The following USP9X variants were observed in gnomAD, a reference collection of about 807,000 sequenced individuals.
The protein encoded by USP9X is ubiquitin carboxyl-terminal hydrolase 9X.
Under a neutral mutation model 190.3 loss-of-function variants are expected in USP9X, and 7 were observed. The ratio of observed to expected loss-of-function variants is 0.04; its 90% CI spans 0.02 to 0.07. The LOEUF (loss-of-function observed/expected upper bound fraction) is 0.07, where lower values mean the gene tolerates loss of function less well. USP9X is among the 10% of genes least tolerant of loss of function. The pLI, the probability that USP9X is intolerant of heterozygous loss-of-function variation, is 1.00. For synonymous variants in USP9X, 645 were observed against 659.5 expected, an observed-to-expected ratio of 0.98 and a Z score of 0.34; for missense variants, 1,010 against 1,916.9, an observed-to-expected ratio of 0.53 and a Z score of 8.83.
chrX:41,189,666 A>G, intron 26 of USP9X, 191 bp downstream of exon 26: 1 of 345,270 alleles, frequency 2.9e-6, no homozygotes, highest in East Asian at 4.5e-5. Context: ...AAATGCCAAT[A>G]TTAATTGTCA....
intron 11 of USP9X, 58 bp downstream of exon 11, chrX:41,144,684 G>T (rs1662148529): frequency 3.2e-6 from 3 of 949,333 alleles, no homozygotes; most frequent in Non-Finnish European, 4.5e-6. Context: ...TGATTAATTA[G>T]ATCTGTGAAT....
In USP9X at chrX:41,216,030, G is replaced by A. The variant is rs1205885913; in HGVS notation, c.5463G>A (p.Glu1821=). Residue 1821 remains glutamate (E), a synonymous_variant, in exon 35 of 45, where the codon GAG becomes GAA. Coordinates refer to ENST00000378308, the MANE Select transcript of USP9X (RefSeq NM_001039591.3). ...KFNDYFEFPR[E]LDMEPYTVAG... is the part of the protein sequence containing the mutation. The stretch of plus-strand genomic sequence containing the variant: ...ATGATTATTTTGAATTTCCTCGAGA[G>A]CTGGACATGGAACCTTACACAGTTG... 8.3e-7 allele frequency: 1 copy of A among 1,211,911 alleles called. No homozygotes were observed. The highest frequency in any genetic ancestry group is 1.8e-5 in the South Asian group (1 of 57,005).
At chrX:41,107,926 T>G (rs754790903) in intron 1 of USP9X, among the ~76,000 whole-genome samples, 4 of 112,369 alleles carry the variant, frequency 3.6e-5, no homozygotes, top group Non-Finnish European at 7.5e-5. Flanking sequence ...TTTAGTTCAT[T>G]GAACATAAGC....
chrX:41,123,597 A>G lies in USP9X; in HGVS notation c.-32A>G. ...TTTCTCAAGACAACTACATAAGCAG[A>G]CAAAATTGCAAAGATCTGCCCTGTG... is the stretch of plus-strand genomic sequence containing the variant. On this transcript the variant is annotated 5_prime_UTR_variant, in exon 2 of 45. Transcript: ENST00000378308. The G allele has an allele frequency of 8.5e-7, 1 of 1,173,981 alleles. No individual in the cohort carries two copies. The highest frequency in any genetic ancestry group is 1.2e-6 in the Non-Finnish European group (1 of 862,819).
At chrX:41,185,537 T>A (rs956111786) in intron 23 of USP9X, among the ~76,000 whole-genome samples, 2 of 111,698 alleles carry the variant, frequency 1.8e-5, no homozygotes, top group African/African-American at 6.5e-5. Context: ...AAGTAATATG[T>A]ACATGGGAGT....
chrX:41,190,911 A>C (rs1183193336), intron 26 of USP9X, among the ~76,000 whole-genome samples: 1 of 112,001 alleles, frequency 8.9e-6, no homozygotes, highest in Non-Finnish European at 1.9e-5. Context: ...TTGAGTTTTA[A>C]GTACCTGATT....
rs777014349 is a variant in USP9X at position 41,167,972 on chromosome X, AT to A, written c.2425-31del. On this transcript the variant is annotated intron_variant, in intron 17 of 44. Coordinates refer to ENST00000378308, the MANE Select transcript of USP9X (RefSeq NM_001039591.3). Reference sequence around the variant, plus strand: ...TATTTGGTTTTTACATTTTAAAGCAATTTTAACTGTGTTTATTTGGCCTGAT... The same window carrying A: ...TATTTGGTTTTTACATTTTAAAGCAATTTAACTGTGTTTATTTGGCCTGAT... 1.6e-5 allele frequency: 18 copies of A among 1,155,544 alleles called. No homozygotes were observed. In the South Asian group the frequency reaches 3.7e-4, roughly 24 times the overall value.
chrX:41,229,434 T>C, intron 42 of USP9X, 25 bp downstream of exon 42: 1 of 1,151,305 alleles, frequency 8.7e-7, no homozygotes, highest in Non-Finnish European at 1.2e-6. Context: ...CTTATAATTT[T>C]GTAGAAATCT....
chrX:41,223,143 C>T (rs1289438356), intron 38 of USP9X, 74 bp from the exon 39 acceptor site: 7 of 971,313 alleles, frequency 7.2e-6, no homozygotes, highest in Non-Finnish European at 9.9e-6. Flanking sequence ...ATTCATGAAG[C>T]CCTTGCCATC....
At chrX:41,187,071 G>C (rs2062886512) in intron 24 of USP9X, among the ~76,000 whole-genome samples, 3 of 110,027 alleles carry the variant, frequency 2.7e-5, no homozygotes, top group Admixed American at 1.9e-4. Flanking sequence ...GACCTCTGGT[G>C]ATCTGCCTGC....
chrX:41,141,506 A>T, intron 9 of USP9X, 75 bp downstream of exon 9: 2 of 960,507 alleles, frequency 2.1e-6, no homozygotes, highest in Non-Finnish European at 2.7e-6. Flanking sequence ...CTAGCTAAAA[A>T]AATTAGTAAT....
chrX:41,099,108 T>TTTTTGTTTTTTTG (rs1555915009), intron 1 of USP9X, among the ~76,000 whole-genome samples: 2 of 89,597 alleles, frequency 2.2e-5, no homozygotes, highest in African/African-American at 8.6e-5. Context: ...TTTTTTTTTT[T>TTTTTGTTTTTTTG]TTTTTTTTTT....
In USP9X at chrX:41,123,711, T is replaced by C. The variant is rs1335848445; in HGVS notation, c.83T>C (p.Leu28Pro). Residue 28 changes from leucine (L) to proline (P), a missense_variant, in exon 2 of 45, where the codon CTC (leucine) becomes CCC (proline). Leu to Pro is a moderately conservative substitution (Grantham distance 98). Transcript: ENST00000378308. ...QAPDGQSQPP[L>P]QQNQTSSPDS... ...CCTGATGGACAGTCTCAGCCCCCCC[T>C]CCAACAGAATCAGGTAGGATGTTGA... 1.7e-6 allele frequency: 2 copies of C among 1,208,677 alleles called. No homozygotes were observed. The highest frequency in any genetic ancestry group is 3.0e-5 in the East Asian group (1 of 33,744).
chrX:41,170,567 A>G lies in USP9X; in HGVS notation c.2975A>G (p.Asn992Ser), dbSNP rs748685372. 1.8e-5 allele frequency: 22 copies of G among 1,209,948 alleles called. No homozygotes were observed. Among genetic ancestry groups the G allele is most frequent in the Non-Finnish European group, 2.2e-5 (20 of 895,207 alleles). ...ACTGGATCTCCTGGAAACCATGGTAATCATTACAGTGATGGTCCCAATCCA... is the reference window on the plus strand; with the variant it reads ...ACTGGATCTCCTGGAAACCATGGTAGTCATTACAGTGATGGTCCCAATCCA... ...SSTGSPGNHGNHYSDGPNPEV... is the reference protein window; with the variant it reads ...SSTGSPGNHGSHYSDGPNPEV... Residue 992 changes from asparagine to serine, a missense_variant, in exon 20 of 45, where the codon AAT (asparagine) becomes AGT (serine). By Grantham distance (46) the Asn-to-Ser change is conservative. Around this residue, in one of 11 missense-constraint regions of USP9X, gnomAD observed 351 missense variants for 480.8 expected, o/e 0.73. Coordinates refer to ENST00000378308, the MANE Select transcript of USP9X (RefSeq NM_001039591.3).
At position 41,216,418 on chromosome X, in the gene USP9X, C is replaced by G; in HGVS notation, c.5851C>G (p.Leu1951Val). Residue 1951 changes from leucine to valine, a missense_variant, in exon 35 of 45, where the codon CTT (leucine) becomes GTT (valine). Coordinates refer to ENST00000378308, the MANE Select transcript of USP9X (RefSeq NM_001039591.3). The stretch of plus-strand genomic sequence containing the variant: ...GAAAAGGTGGTGGAATGCTTATATA[C>G]TTTTTTATGAACGAATGGACACAAT... ...RQKRWWNAYILFYERMDTIDQ... is the reference protein window; with the variant it reads ...RQKRWWNAYIVFYERMDTIDQ... 1 of 1,211,305 alleles carries G rather than the reference C, an allele frequency of 8.3e-7. No individual in the cohort carries two copies. Among genetic ancestry groups the G allele is most frequent in the Non-Finnish European group, 1.1e-6 (1 of 895,435 alleles).
intron 15 of USP9X, among the ~76,000 whole-genome samples, chrX:41,163,734 CAAAAA>C (rs771852864): frequency 3.8e-5 from 3 of 79,442 alleles, no homozygotes; most frequent in Admixed American, 1.4e-4. Context: ...GACCCTGTCT[CAAAAA>C]AAAAAAAAAA....
At chrX:41,111,455 C>A (rs1848908269) in intron 1 of USP9X, among the ~76,000 whole-genome samples, 1 of 111,800 alleles carries the variant, frequency 8.9e-6, no homozygotes, top group Admixed American at 9.5e-5. Context: ...CCAATGAATC[C>A]TTGGGATTCA....
At position 41,216,051 on chromosome X, in the gene USP9X, A is replaced by G; in HGVS notation, c.5484A>G (p.Thr1828=). The change falls in exon 35 of 45, where the codon ACA becomes ACG. Residue 1828 remains threonine (T), a synonymous_variant. Transcript: ENST00000378308. ...FPRELDMEPY[T]VAGVAKLEGD... ...GAGAGCTGGACATGGAACCTTACAC[A>G]GTTGCAGGTGTCGCAAAGCTGGAAG... The G allele has an allele frequency of 1.7e-6, 2 of 1,211,988 alleles. No homozygotes were observed. The highest frequency in any genetic ancestry group is 3.0e-5 in the East Asian group (1 of 33,883).
intron 34 of USP9X, among the ~76,000 whole-genome samples, chrX:41,215,698 A>G (rs2063205880): frequency 8.9e-6 from 1 of 112,697 alleles, no homozygotes; most frequent in Non-Finnish European, 1.9e-5. Context: ...AAACCAGTCA[A>G]CAATTTACCA....
Sources: allele counts gnomAD v4.1 joint callset (sites outside exome capture counted in the v4.1 genomes callset), GRCh38; gene constraint gnomAD v4.1.1; regional missense constraint gnomAD v4.1.1; transcripts MANE v1.5; gene names NCBI Gene and HGNC (gene_info 2026-07-23, HGNC 2026-07-21).